LEF1: variants seen among roughly 807,000 people sequenced by gnomAD.
The protein encoded by LEF1 is lymphoid enhancer-binding factor 1.
A neutral mutation model predicts 51.2 loss-of-function variants in LEF1; 14 were observed. That is an observed-to-expected ratio of 0.27 (90% CI 0.18 to 0.43). LEF1 has a LOEUF of 0.43. Among genes scored for constraint, LEF1 ranks in the 20% least tolerant of loss-of-function variants. The pLI, the probability that LEF1 is intolerant of heterozygous loss-of-function variation, is 1.00. For synonymous variants in LEF1, 185 were observed against 183.2 expected (o/e 1.01, Z -0.08); for missense variants, 386 against 512.0 (o/e 0.75, Z 2.37).
chr4:108,056,485 T>A (rs1737309574), intron 11 of LEF1, among the ~76,000 whole-genome samples: 1 of 152,236 alleles, frequency 6.6e-6, no homozygotes, highest in African/African-American at 2.4e-5. Flanking sequence ...CTAGGGATCC[T>A]GGAACAATGG....
intron 3 of LEF1, among the ~76,000 whole-genome samples, chr4:108,117,490 G>A (rs1445193052): frequency 2.0e-5 from 3 of 152,208 alleles, no homozygotes; most frequent in African/African-American, 7.2e-5. Context: ...CCAAACAGGT[G>A]TTCTTCAGTA....
chr4:108,109,186 G>A (rs961639329), intron 3 of LEF1, among the ~76,000 whole-genome samples: 1 of 152,212 alleles, frequency 6.6e-6, no homozygotes, highest in African/African-American at 2.4e-5. Context: ...TTGGAGGAAA[G>A]AAGAGAAATC....
At chr4:108,086,907 G>T (rs1739688068) in intron 4 of LEF1, among the ~76,000 whole-genome samples, 1 of 151,756 alleles carries the variant, frequency 6.6e-6, no homozygotes, top group African/African-American at 2.4e-5. Context: ...TTCCACAAAT[G>T]AGAATGAGCT....
At chr4:108,162,627 C>T (rs552999523) in intron 3 of LEF1, among the ~76,000 whole-genome samples, 4 of 152,246 alleles carry the variant, frequency 2.6e-5, no homozygotes. Flanking sequence ...ACCTCCAGGG[C>T]TGTCAGTGAG....
At chr4:108,069,305 A>G (rs949965768) in intron 9 of LEF1, among the ~76,000 whole-genome samples, 1 of 152,242 alleles carries the variant, frequency 6.6e-6, no homozygotes, top group Non-Finnish European at 1.5e-5. Flanking sequence ...GAACTCAGAC[A>G]TAATAACTGC....
Position 108,053,362 on chromosome 4 carries a change from A to G in LEF1, c.*7-4611T>C, listed in dbSNP as rs962146958. Among the ~76,000 whole-genome samples, 19 of 152,218 alleles carry G rather than the reference A, an allele frequency of 1.2e-4. 1 individual carries two copies. The highest frequency in any genetic ancestry group is 1.6e-4 in the Non-Finnish European group (11 of 68,036). ...GTTAGGAAGGTTAACACTGAGTTTTATTTCTGCAGCTGAATGACTCCTTAG... is the reference window on the plus strand; with the variant it reads ...GTTAGGAAGGTTAACACTGAGTTTTGTTTCTGCAGCTGAATGACTCCTTAG... On this transcript the variant is annotated intron_variant, in intron 11 of 11. Transcript: ENST00000265165.
intron 11 of LEF1, among the ~76,000 whole-genome samples, chr4:108,049,585 T>C (rs1396155558): frequency 1.3e-5 from 2 of 152,206 alleles, no homozygotes; most frequent in Non-Finnish European, 2.9e-5. Context: ...TGCTTTGAAC[T>C]TGGGGAGGCT....
At chr4:108,114,331 G>A (rs543034147) in intron 3 of LEF1, among the ~76,000 whole-genome samples, 7 of 152,120 alleles carry the variant, frequency 4.6e-5, no homozygotes, top group Non-Finnish European at 7.4e-5. Flanking sequence ...TGGCCTAAAC[G>A]ATAAAGGGTT....
intron 2 of LEF1, among the ~76,000 whole-genome samples, chr4:108,164,701 T>C (rs1376861175): frequency 6.6e-6 from 1 of 152,172 alleles, no homozygotes; most frequent in Non-Finnish European, 1.5e-5. Flanking sequence ...ATTTTGCAAG[T>C]GAAAATCCAC....
intron 3 of LEF1, among the ~76,000 whole-genome samples, chr4:108,133,283 A>C (rs1743025553): frequency 6.6e-6 from 1 of 152,224 alleles, no homozygotes; most frequent in Non-Finnish European, 1.5e-5. Context: ...CCACACTTTG[A>C]AAACCACTGG....
chr4:108,167,522 C>T lies in LEF1; in HGVS notation c.213+33G>A. 1 of 1,607,380 alleles carries T rather than the reference C, an allele frequency of 6.2e-7. No individual in the cohort carries two copies. The highest frequency in any genetic ancestry group is 2.2e-5 in the East Asian group (1 of 44,830). On this transcript the variant is annotated intron_variant, in intron 1 of 11. Coordinates refer to ENST00000265165, the MANE Select transcript of LEF1 (RefSeq NM_016269.5). This position sits in a 1 kb window ranked among gnomAD's most constrained non-coding sequence, Gnocchi z 5.7. The stretch of plus-strand genomic sequence containing the variant: ...CTCTGAGTTTCCCAGGGACCCGCCA[C>T]GCCTCTCGGAACTGGGGCAGCGGCC...
intron 3 of LEF1, among the ~76,000 whole-genome samples, chr4:108,128,669 C>T (rs929723975): frequency 6.6e-6 from 1 of 151,966 alleles, no homozygotes; most frequent in African/African-American, 2.4e-5. Context: ...CATAAAGATA[C>T]AGAAGCCATA....
chr4:108,100,545 T>C (rs1012046380), intron 3 of LEF1, among the ~76,000 whole-genome samples: 2 of 152,206 alleles, frequency 1.3e-5, no homozygotes, highest in African/African-American at 4.8e-5. Flanking sequence ...TAGGGGAACA[T>C]GCTGAAGAAT....
intron 6 of LEF1, 53 bp from the exon 7 acceptor site, chr4:108,079,667 G>A: frequency 6.2e-7 from 1 of 1,605,160 alleles, no homozygotes; most frequent in Non-Finnish European, 8.5e-7. Context: ...TGCAGCAAAA[G>A]CTAGATGGAA....
chr4:108,129,940 CTATT>C (rs1742766424), intron 3 of LEF1, among the ~76,000 whole-genome samples: 1 of 152,080 alleles, frequency 6.6e-6, no homozygotes, highest in Non-Finnish European at 1.5e-5. Context: ...CAAATGGTGT[CTATT>C]TAGGAAAGAA....
At chr4:108,147,782 A>G (rs936645288) in intron 3 of LEF1, among the ~76,000 whole-genome samples, 3 of 152,180 alleles carry the variant, frequency 2.0e-5, no homozygotes, top group Admixed American at 2.0e-4. Context: ...TACCGTTAGG[A>G]TGCCAGAAAT....
chr4:108,107,331 T>A (rs1336403467), intron 3 of LEF1, among the ~76,000 whole-genome samples: 1 of 151,238 alleles, frequency 6.6e-6, no homozygotes, highest in African/African-American at 2.4e-5. Context: ...CTGGGAAAAA[T>A]ATGAAATTTC....
intron 8 of LEF1, 146 bp downstream of exon 8, chr4:108,078,074 T>C: frequency 2.5e-6 from 2 of 791,296 alleles, no homozygotes; most frequent in South Asian, 3.4e-5. Context: ...TAAAAACAGT[T>C]ATCAAAATTC....
At chr4:108,052,819 G>C (rs1452655381) in intron 11 of LEF1, among the ~76,000 whole-genome samples, 1 of 152,148 alleles carries the variant, frequency 6.6e-6, no homozygotes, top group Admixed American at 6.5e-5. Flanking sequence ...TGGTGAGGGG[G>C]AAGGAACAAA....
Sources: gnomAD v4.1 joint callset for allele counts (sites outside exome capture counted in the v4.1 genomes callset) on GRCh38, gnomAD v4.1.1 for gene constraint, Gnocchi (gnomAD v3.1) non-coding constraint, MANE v1.5 for transcripts, NCBI Gene and HGNC (gene_info 2026-07-23, HGNC 2026-07-21) for gene names.